Variants in COL27A1 observed in about 807,000 individuals in gnomAD.
The protein encoded by COL27A1 is collagen alpha-1(XXVII) chain.
In COL27A1, 106 loss-of-function variants were observed where a neutral mutation model predicts 251.3. The observed-to-expected ratio is 0.42, with a 90% CI of 0.36 to 0.50. The LOEUF (loss-of-function observed/expected upper bound fraction) is 0.50, where lower values mean the gene tolerates loss of function less well. COL27A1 is among the 20% of genes least tolerant of loss of function. COL27A1 has a pLI of 0.00. For missense variants in COL27A1, 2,325 were observed against 2,522.8 expected (o/e 0.92, Z 1.68); for synonymous variants, 1,000 against 986.3 (o/e 1.01, Z -0.26).
At chr9:114,265,163 G>GTGAGC in intron 31 of COL27A1, 53 bp downstream of exon 31, 1 of 526,092 alleles carries the variant, frequency 1.9e-6, no homozygotes, top group Non-Finnish European at 3.7e-6. Context: ...GATGGGGGTG[G>GTGAGC]GGGGCGGGTG....
At chr9:114,307,518 C>G (rs113123240) in intron 58 of COL27A1, 151 bp from the exon 59 acceptor site, 2 of 639,998 alleles carry the variant, frequency 3.1e-6, no homozygotes, top group East Asian at 5.4e-5. Context: ...CCTTCCATCT[C>G]GGTTGGAGGA....
chr9:114,282,168 G>A lies in COL27A1; in HGVS notation c.3718-109G>A, dbSNP rs1479481462. Reference sequence around the variant, plus strand: ...GGTACTGGGTGGCAGAATCAGTTTCGAACCTGGCCATCTGCCTCCAGAGCC... The same window carrying A: ...GGTACTGGGTGGCAGAATCAGTTTCAAACCTGGCCATCTGCCTCCAGAGCC... On this transcript the variant is annotated intron_variant, in intron 37 of 60. Transcript: ENST00000356083. The A allele has an allele frequency of 1.6e-5, 16 of 971,480 alleles. No individual in the cohort carries two copies. In the African/African-American group the frequency reaches 1.8e-4, roughly 11 times the overall value. 60.2% of individuals were successfully genotyped at this position (971,480 alleles called of 1,614,324 possible). A position where few individuals can be genotyped will look rare whatever the true frequency, so the allele number is the denominator to read the frequency against.
At chr9:114,305,660 G>C (rs954148879) in intron 57 of COL27A1, among the ~76,000 whole-genome samples, 1 of 152,166 alleles carries the variant, frequency 6.6e-6, no homozygotes, top group Non-Finnish European at 1.5e-5. Flanking sequence ...CTCCACACCA[G>C]GGGGAGGCAC....
intron 13 of COL27A1, 99 bp from the exon 14 acceptor site, chr9:114,222,124 G>C: frequency 9.3e-7 from 1 of 1,079,794 alleles, no homozygotes; most frequent in Non-Finnish European, 1.4e-6. Context: ...GTTCAGCTCT[G>C]AAAGACCCCA....
chr9:114,231,796 A>C, intron 15 of COL27A1, 26 bp from the exon 16 acceptor site: 1 of 1,613,934 alleles, frequency 6.2e-7, no homozygotes, highest in Non-Finnish European at 8.5e-7. Context: ...GTCCCATCAC[A>C]GCTGGCCTTG....
At chr9:114,297,196 T>C (rs905145352) in intron 49 of COL27A1, among the ~76,000 whole-genome samples, 3 of 152,210 alleles carry the variant, frequency 2.0e-5, no homozygotes, top group Non-Finnish European at 2.9e-5. Flanking sequence ...TTAAATAGTA[T>C]AGTTATTATC....
At position 114,194,431 on chromosome 9, in the gene COL27A1, C is replaced by A; in HGVS notation, c.2044C>A (p.Pro682Thr). ...ACAGAAAGGGGACCCAGGGCTCTCA[C>A]CAGGAAAGGCCCACGATGGGGCAAA... is the stretch of plus-strand genomic sequence containing the variant. ...KGQKGDPGLS[P>T]GKAHDGAKGD... is the part of the protein sequence containing the mutation. Residue 682 changes from proline to threonine, a missense_variant, in exon 6 of 61, where the codon CCA becomes ACA. By Grantham distance (38) the Pro-to-Thr change is conservative. Coordinates refer to ENST00000356083, the MANE Select transcript of COL27A1 (RefSeq NM_032888.4). 6 of 1,612,722 alleles carry A rather than the reference C, an allele frequency of 3.7e-6. No homozygotes were observed. Among genetic ancestry groups the A allele is most frequent in the South Asian group, 1.1e-5 (1 of 90,668 alleles).
intron 19 of COL27A1, among the ~76,000 whole-genome samples, chr9:114,239,231 G>T (rs1183231594): frequency 6.6e-6 from 1 of 152,226 alleles, no homozygotes; most frequent in Non-Finnish European, 1.5e-5. Context: ...TGAGCATCAG[G>T]ATTTGCTCAG....
Position 114,235,226 on chromosome 9 carries a change from C to A in COL27A1, c.2566-373C>A, listed in dbSNP as rs575518504. Among the ~76,000 whole-genome samples the A allele has an allele frequency of 1.4e-3, 217 of 152,322 alleles. 1 individual carries two copies. The South Asian group carries it at 0.016, about 11-fold the overall frequency. On this transcript the variant is annotated intron_variant, in intron 16 of 60. Transcript: ENST00000356083. The stretch of plus-strand genomic sequence containing the variant: ...ACGTTGGTGTGGGGGCCCTTGCACA[C>A]GCTGCCTTCACCCCTGTGTGACAAC...
rs1827858666 is a variant in COL27A1 at position 114,290,785 on chromosome 9, C to T, written c.4369-25C>T. ...GGCTGTATCGTGAAACACAAGAGAC[C>T]CTCCTCTGCCTGCTTTCTTAACAGG... On this transcript the variant is annotated intron_variant, in intron 47 of 60. Coordinates refer to ENST00000356083, the MANE Select transcript of COL27A1 (RefSeq NM_032888.4). This position sits in a 1 kb window ranked among gnomAD's most constrained non-coding sequence, Gnocchi z 4.6. 1.3e-6 allele frequency: 2 copies of T among 1,508,590 alleles called. No individual in the cohort carries two copies. Among genetic ancestry groups the T allele is most frequent in the Non-Finnish European group, 1.8e-6 (2 of 1,116,734 alleles). The allele number at this position is 1,508,590 out of a possible 1,614,324, so 93.5% of individuals were successfully genotyped here.
chr9:114,223,263 G>A (rs1341375963), intron 14 of COL27A1, among the ~76,000 whole-genome samples: 1 of 152,208 alleles, frequency 6.6e-6, no homozygotes, highest in East Asian at 1.9e-4. Flanking sequence ...CCCGTGGAGG[G>A]ACACAAGTAA....
chr9:114,284,681 C>T (rs1564569787), intron 40 of COL27A1, 43 bp from the exon 41 acceptor site: 1 of 1,606,772 alleles, frequency 6.2e-7, no homozygotes, highest in Middle Eastern at 1.7e-4. Flanking sequence ...TTTGTCCTTC[C>T]TGAGTCCTCA....
At chr9:114,195,579 T>C (rs1330179436) in intron 6 of COL27A1, among the ~76,000 whole-genome samples, 1 of 152,222 alleles carries the variant, frequency 6.6e-6, no homozygotes, top group Non-Finnish European at 1.5e-5. Flanking sequence ...GCCAGTGGCA[T>C]GCCCAGCAAT....
chr9:114,245,166 T>G (rs867084355), intron 23 of COL27A1, among the ~76,000 whole-genome samples: 1,840 of 131,526 alleles, frequency 0.014, 72 homozygotes, highest in African/African-American at 0.046. Flanking sequence ...TTTTTTTTTT[T>G]TTTTTTTTTT....
chr9:114,185,113 G>A (rs947096737), intron 5 of COL27A1, among the ~76,000 whole-genome samples: 2 of 152,174 alleles, frequency 1.3e-5, no homozygotes, highest in African/African-American at 4.8e-5. Context: ...ATGGTAGGAG[G>A]AGGGCCTGCC....
At chr9:114,174,910 C>T (rs1021977935) in intron 3 of COL27A1, among the ~76,000 whole-genome samples, 6 of 152,182 alleles carry the variant, frequency 3.9e-5, no homozygotes, top group Admixed American at 3.9e-4. Flanking sequence ...TATCTACCCC[C>T]AACAGGTTAC....
chr9:114,170,205 C>T (rs970047567), intron 3 of COL27A1, among the ~76,000 whole-genome samples: 1 of 152,154 alleles, frequency 6.6e-6, no homozygotes, highest in African/African-American at 2.4e-5. Context: ...GATTTGTAAC[C>T]CCCGGTAGGA....
chr9:114,302,204 C>T, intron 56 of COL27A1, 96 bp downstream of exon 56: 2 of 1,046,538 alleles, frequency 1.9e-6, no homozygotes, highest in Non-Finnish European at 1.5e-6. Flanking sequence ...GTGGCTAGAG[C>T]CCTAAGCTGG....
chr9:114,262,743 C>G (rs1331076140), intron 28 of COL27A1, among the ~76,000 whole-genome samples: 2 of 152,226 alleles, frequency 1.3e-5, no homozygotes, highest in African/African-American at 4.8e-5. Context: ...AGGCCCTGGG[C>G]TTGGGGATGC....
Sources: gnomAD v4.1 joint callset for allele counts (sites outside exome capture counted in the v4.1 genomes callset) on GRCh38, gnomAD v4.1.1 for gene constraint, Gnocchi (gnomAD v3.1) non-coding constraint, MANE v1.5 for transcripts, NCBI Gene and HGNC (gene_info 2026-07-23, HGNC 2026-07-21) for gene names.